Variants in USP1 observed in about 807,000 individuals in gnomAD.
The protein encoded by USP1 is ubiquitin carboxyl-terminal hydrolase 1.
In USP1, 18 loss-of-function variants were observed where a neutral mutation model predicts 72.2. The ratio of observed to expected loss-of-function variants is 0.25; its 90% CI spans 0.17 to 0.37. The LOEUF (loss-of-function observed/expected upper bound fraction) is 0.37, where lower values mean the gene tolerates loss of function less well. Among genes scored for constraint, USP1 ranks in the 10% least tolerant of loss-of-function variants. The probability of loss-of-function intolerance (pLI) is 1.00; values close to 1 mark genes in which losing one functional copy is unlikely to be tolerated. For synonymous variants in USP1, 354 were observed against 303.7 expected, an observed-to-expected ratio of 1.17 and a Z score of -1.72; for missense variants, 759 against 884.9, an observed-to-expected ratio of 0.86 and a Z score of 1.81.
In USP1 at chr1:62,437,397, C is replaced by T. The variant is rs536166604; in HGVS notation, c.-73C>T. 3.9e-5 allele frequency: 15 copies of T among 384,088 alleles called. No individual in the cohort carries two copies. Among genetic ancestry groups the T allele is most frequent in the East Asian group, 3.7e-4 (10 of 27,206 alleles). 23.8% of individuals were successfully genotyped at this position (384,088 alleles called of 1,614,324 possible). On this transcript the variant is annotated 5_prime_UTR_variant, in exon 1 of 9. Coordinates refer to ENST00000339950, the MANE Select transcript of USP1 (RefSeq NM_003368.5). ...CCGCGGACTTCGCTTTGGGCCATGA[C>T]CAGGTAAGGAGGGCCTGGGAGGAGG...
In USP1 at chr1:62,447,404, C is replaced by T; in HGVS notation, c.1313C>T (p.Thr438Met). The change falls in exon 7 of 9, where the codon ACG becomes ATG. Residue 438 changes from threonine (T) to methionine (M), a missense_variant. Thr to Met is a moderately conservative substitution (Grantham distance 81, BLOSUM62 -1). This residue lies in a region of USP1 where 140 missense variants were observed against 222.8 expected (regional missense o/e 0.63). Transcript: ENST00000339950. Reference sequence around the variant, plus strand: ...TTTCAAGGTCAGCTGGTATTAAGGACGCGTTGCTTGGAATGTGAAAGTTTA... The same window carrying T: ...TTTCAAGGTCAGCTGGTATTAAGGATGCGTTGCTTGGAATGTGAAAGTTTA... The part of the protein sequence containing the change: ...KLFQGQLVLR[T>M]RCLECESLTE... The T allele has an allele frequency of 6.2e-7, 1 of 1,614,024 alleles. No individual in the cohort carries two copies. Among genetic ancestry groups the T allele is most frequent in the East Asian group, 2.2e-5 (1 of 44,844 alleles).
At chr1:62,441,064 TC>T in intron 2 of USP1, among the ~76,000 whole-genome samples, 1 of 152,296 alleles carries the variant, frequency 6.6e-6, no homozygotes, top group Middle Eastern at 3.4e-3. Flanking sequence ...TCACAGACTT[TC>T]TTTCCTCTGA....
At chr1:62,448,766 TGAA>T in intron 8 of USP1, 100 bp downstream of exon 8, 8 of 1,200,212 alleles carry the variant, frequency 6.7e-6, no homozygotes, top group Non-Finnish European at 9.4e-6. Flanking sequence ...AGTACTGAAA[TGAA>T]GTAGATTGTA....
rs1194396381 is a variant in USP1, at chr1:62,449,180, G to A, written c.1622+514G>A. On this transcript the variant is annotated intron_variant, in intron 8 of 8. Coordinates refer to ENST00000339950, the MANE Select transcript of USP1 (RefSeq NM_003368.5). The stretch of plus-strand genomic sequence containing the variant: ...ATTACAGGCGTGAGCCACCATGCCC[G>A]GCCAGTTTCTTTATTCATCTTTTCA... 2.6e-5 allele frequency among the ~76,000 whole-genome samples: 4 copies of A among 152,090 alleles called. No homozygotes were observed. In the South Asian group the frequency reaches 6.2e-4, roughly 24 times the overall value.
Position 62,450,566 on chromosome 1 carries a change from T to G in USP1, c.1943T>G (p.Val648Gly), listed in dbSNP as rs1645208006. The G allele has an allele frequency of 6.2e-7, 1 of 1,613,646 alleles. No homozygotes were observed. The highest frequency in any genetic ancestry group is 8.5e-7 in the Non-Finnish European group (1 of 1,179,938). The change falls in exon 9 of 9, where the codon GTT becomes GGT. Residue 648 changes from valine to glycine, a missense_variant. Around this residue, in one of 9 missense-constraint regions of USP1, gnomAD observed 159 missense variants for 140.9 expected, o/e 1.13. Coordinates refer to ENST00000339950, the MANE Select transcript of USP1 (RefSeq NM_003368.5). ...NYNDEEVSIR[V>G]GGNTQPSKVL... ...AATGATGAAGAAGTGTCAATTAGAG[T>G]TGGTGGAAATACACAGCCAAGTAAA...
At chr1:62,447,187 A>G (rs1267526152) in intron 6 of USP1, among the ~76,000 whole-genome samples, 154 bp from the exon 7 acceptor site, 4 of 152,230 alleles carry the variant, frequency 2.6e-5, no homozygotes, top group African/African-American at 9.6e-5. Context: ...TTTCATTAAT[A>G]GGGTACCTCT....
At chr1:62,449,858 A>G (rs1031600186) in intron 8 of USP1, among the ~76,000 whole-genome samples, 2 of 151,726 alleles carry the variant, frequency 1.3e-5, no homozygotes, top group Non-Finnish European at 2.9e-5. Context: ...GTCCAGAAGG[A>G]GCCATGATTG....
chr1:62,437,780 C>T (rs768056860), intron 1 of USP1, among the ~76,000 whole-genome samples: 8 of 152,342 alleles, frequency 5.3e-5, no homozygotes, highest in East Asian at 1.9e-4. Flanking sequence ...TGCCCTGTGT[C>T]GGTAATTGCG....
Position 62,437,356 on chromosome 1 carries a change from C to T in USP1, c.-114C>T. ...CGCACCCACACTCATTCGGGTTGGA[C>T]TTGCCGGCGTCACCGCCGCGGACTT... On this transcript the variant is annotated 5_prime_UTR_variant, in exon 1 of 9. Transcript: ENST00000339950. The T allele has an allele frequency of 5.1e-6, 2 of 394,544 alleles. No homozygotes were observed. The highest frequency in any genetic ancestry group is 1.4e-4 in the South Asian group (1 of 6,996). 24.4% of individuals were successfully genotyped at this position (394,544 alleles called of 1,614,324 possible). A position where few individuals can be genotyped will look rare whatever the true frequency, so the allele number is the denominator to read the frequency against.
chr1:62,449,356 T>TGG (rs1273030368), intron 8 of USP1, among the ~76,000 whole-genome samples: 4 of 152,176 alleles, frequency 2.6e-5, no homozygotes, highest in African/African-American at 9.7e-5. Context: ...AAACTAGTCT[T>TGG]TCAACAGTTT....
intron 1 of USP1, among the ~76,000 whole-genome samples, chr1:62,439,472 C>G (rs1404902984): frequency 6.6e-6 from 1 of 152,198 alleles, no homozygotes; most frequent in Non-Finnish European, 1.5e-5. Flanking sequence ...CGTGAGCTAT[C>G]GCTTCCGGCC....
intron 2 of USP1, among the ~76,000 whole-genome samples, chr1:62,440,387 G>A (rs957728539): frequency 9.6e-5 from 14 of 146,484 alleles, no homozygotes; most frequent in Non-Finnish European, 2.0e-4. Flanking sequence ...ATATATATTT[G>A]TTTGGTTCAG....
Position 62,451,163 on chromosome 1 carries a change from T to A in USP1, c.*182T>A. ...AACCATGTTAATTTTTAGAACTCAT[T>A]TTCCTCAGTAGAGACTAGTGATGCA... On this transcript the variant is annotated 3_prime_UTR_variant, in exon 9 of 9. Coordinates refer to ENST00000339950, the MANE Select transcript of USP1 (RefSeq NM_003368.5). 1 of 630,674 alleles carries A rather than the reference T, an allele frequency of 1.6e-6. No homozygotes were observed. Among genetic ancestry groups the A allele is most frequent in the Non-Finnish European group, 2.4e-6 (1 of 410,002 alleles). The allele number at this position is 630,674 out of a possible 1,614,324, so 39.1% of individuals were successfully genotyped here.
chr1:62,441,489 G>A lies in USP1; in HGVS notation c.172G>A (p.Asp58Asn). Residue 58 changes from aspartate to asparagine, a missense_variant and splice_region_variant, in exon 3 of 9, where the codon GAT (aspartate) becomes AAT (asparagine). Transcript: ENST00000339950. ...CGTTCTCCCTTCTATATTTCATAGT[G>A]ATCAAGTTGTTCCTGCAGCACAGTC... Reference protein sequence around the residue: ...KASEYRASEIDQVVPAAQSSP... With the variant: ...KASEYRASEINQVVPAAQSSP... The A allele has an allele frequency of 6.2e-7, 1 of 1,603,124 alleles. No homozygotes were observed. Among genetic ancestry groups the A allele is most frequent in the Non-Finnish European group, 8.5e-7 (1 of 1,176,780 alleles).
At chr1:62,441,436 A>G in intron 2 of USP1, 52 bp from the exon 3 acceptor site, 1 of 1,491,432 alleles carries the variant, frequency 6.7e-7, no homozygotes, top group East Asian at 2.5e-5. Context: ...TAATATTTTC[A>G]CCTTGTTTCT....
intron 6 of USP1, 56 bp downstream of exon 6, chr1:62,445,485 A>T (rs985643159): frequency 1.4e-6 from 2 of 1,418,588 alleles, no homozygotes; most frequent in Middle Eastern, 2.3e-4. Flanking sequence ...ACAGAATTAG[A>T]ATTTTCTCTT....
Position 62,443,263 on chromosome 1 carries a change from A to G in USP1, c.501A>G (p.Pro167=), listed in dbSNP as rs1482246752. ...TCCAGGCTAGTTTTCTCTTAAATCC[A>G]GAGAAATATACTGATGAACTTGCCA... The part of the protein sequence containing the change: ...EQLQASFLLN[P]EKYTDELATQ... Residue 167 remains proline, a synonymous_variant, in exon 5 of 9, where the codon CCA becomes CCG. Transcript: ENST00000339950. 22 of 1,613,976 alleles carry G rather than the reference A, an allele frequency of 1.4e-5. No individual in the cohort carries two copies. The highest frequency in any genetic ancestry group is 1.7e-5 in the Non-Finnish European group (20 of 1,179,998).
rs1432582670 is a variant in USP1 at position 62,450,597 on chromosome 1, G to C, written c.1974G>C (p.Leu658Phe). The change falls in exon 9 of 9, where the codon TTG (leucine) becomes TTC (phenylalanine). Residue 658 changes from leucine to phenylalanine, a missense_variant. This residue lies in a region of USP1 where 159 missense variants were observed against 140.9 expected (regional missense o/e 1.13). Transcript: ENST00000339950. ...GAAATACACAGCCAAGTAAAGTTTT[G>C]AACAAAAAAAATGTAGAAGCTATTG... is the stretch of plus-strand genomic sequence containing the variant. ...VGGNTQPSKV[L>F]NKKNVEAIGL... is the part of the protein sequence containing the mutation. 1 of 1,613,544 alleles carries C rather than the reference G, an allele frequency of 6.2e-7. No individual in the cohort carries two copies.
In USP1 at chr1:62,444,151, C is replaced by T. The variant is rs183433368; in HGVS notation, c.558-587C>T. Among the ~76,000 whole-genome samples, 17 of 149,928 alleles carry T rather than the reference C, an allele frequency of 1.1e-4. No homozygotes were observed. The East Asian group carries it at 2.6e-3, about 23-fold the overall frequency. On this transcript the variant is annotated intron_variant, in intron 5 of 8. Transcript: ENST00000339950. The stretch of plus-strand genomic sequence containing the variant: ...GTTTGCACCTGTAGTCCCACCTACT[C>T]GGGAGACTGAGGCAGGAGAATCGCT...
Sources: gnomAD v4.1 joint callset for allele counts (sites outside exome capture counted in the v4.1 genomes callset) on GRCh38, gnomAD v4.1.1 for gene constraint, gnomAD v4.1.1 regional missense constraint, MANE v1.5 for transcripts, NCBI Gene and HGNC (gene_info 2026-07-23, HGNC 2026-07-21) for gene names.